KDM4B: variants seen among roughly 807,000 people sequenced by gnomAD.
KDM4B encodes lysine-specific demethylase 4B.
Under a neutral mutation model 125.2 loss-of-function variants are expected in KDM4B, and 32 were observed. That is an observed-to-expected ratio of 0.26 (90% confidence interval 0.19 to 0.34). The LOEUF (loss-of-function observed/expected upper bound fraction) is 0.34. Ranked by LOEUF, KDM4B falls within the 10% of genes least tolerant of loss-of-function variation. KDM4B has a pLI of 1.00. For synonymous variants in KDM4B, 721 were observed against 677.9 expected, an observed-to-expected ratio of 1.06 and a Z score of -0.99; for missense variants, 1,190 against 1,577.7, an observed-to-expected ratio of 0.75 and a Z score of 4.16.
Position 5,144,089 on chromosome 19 carries a change from G to T in KDM4B, c.2673G>T (p.Glu891Asp). 6.2e-7 allele frequency: 1 copy of T among 1,605,322 alleles called. No homozygotes were observed. The highest frequency in any genetic ancestry group is 8.5e-7 in the Non-Finnish European group (1 of 1,173,706). The change falls in exon 19 of 23, where the codon GAG (glutamate) becomes GAT (aspartate). Residue 891 changes from glutamate to aspartate, a missense_variant. By Grantham distance (45) the Glu-to-Asp change is conservative. Transcript: ENST00000159111. Reference protein sequence around the residue: ...TCAHAAGVLMEPDDWPYVVSI... With the variant: ...TCAHAAGVLMDPDDWPYVVSI... ...CCCACGCCGCAGGCGTGCTCATGGAGCCGGACGACTGGCCCTATGTGGTCT... is the reference window on the plus strand; with the variant it reads ...CCCACGCCGCAGGCGTGCTCATGGATCCGGACGACTGGCCCTATGTGGTCT...
chr19:5,102,692 T>C (rs1290540088), intron 9 of KDM4B, among the ~76,000 whole-genome samples: 1 of 152,038 alleles, frequency 6.6e-6, no homozygotes, highest in Non-Finnish European at 1.5e-5. Flanking sequence ...TCACCGGCAA[T>C]GGGCGGCGGG....
intron 1 of KDM4B, among the ~76,000 whole-genome samples, chr19:4,998,030 T>C (rs2035257564): frequency 6.6e-6 from 1 of 152,260 alleles, no homozygotes; most frequent in South Asian, 2.1e-4. Context: ...TATAAATAAG[T>C]GTGAAACATG....
chr19:5,134,696 T>C (rs1410960903), intron 14 of KDM4B, among the ~76,000 whole-genome samples: 1 of 152,190 alleles, frequency 6.6e-6, no homozygotes, highest in Non-Finnish European at 1.5e-5. Context: ...ATGCCAAGCA[T>C]GTCCAGGCAT....
In KDM4B at chr19:4,997,382, C is replaced by T. The variant is rs1442182536; in HGVS notation, c.-108-18875C>T. On this transcript the variant is annotated intron_variant, in intron 1 of 22. Coordinates refer to ENST00000159111, the MANE Select transcript of KDM4B (RefSeq NM_015015.3). This position sits in a 1 kb window ranked among gnomAD's most constrained non-coding sequence, Gnocchi z 4.2. ...GGAGTCCAGGAGCGTCGGCCCCTGG[C>T]TTCCACTGTGTCCTTCTGTGGTTCA... is the stretch of plus-strand genomic sequence containing the variant. Among the ~76,000 whole-genome samples the T allele has an allele frequency of 6.6e-6, 1 of 152,138 alleles. No homozygotes were observed. Among genetic ancestry groups the T allele is most frequent in the Non-Finnish European group, 1.5e-5 (1 of 68,020 alleles).
chr19:5,041,095 C>G (rs1233580437), intron 4 of KDM4B, 42 bp from the exon 5 acceptor site: 1 of 1,411,702 alleles, frequency 7.1e-7, no homozygotes, highest in Non-Finnish European at 1.0e-6. Context: ...GCGTAGCACC[C>G]AGGCCTCACC....
At chr19:5,029,445 T>G (rs1286525421) in intron 2 of KDM4B, among the ~76,000 whole-genome samples, 1 of 152,232 alleles carries the variant, frequency 6.6e-6, no homozygotes, top group African/African-American at 2.4e-5. Flanking sequence ...TTTAGCTGTG[T>G]TGCACGTGCG....
intron 6 of KDM4B, among the ~76,000 whole-genome samples, chr19:5,065,659 G>A (rs548331788): frequency 6.6e-6 from 1 of 152,330 alleles, no homozygotes; most frequent in African/African-American, 2.4e-5. Flanking sequence ...GATGACAGTG[G>A]CCTGTCCGCT....
chr19:5,054,915 A>G (rs1362336530), intron 6 of KDM4B, among the ~76,000 whole-genome samples: 1 of 152,324 alleles, frequency 6.6e-6, no homozygotes, highest in East Asian at 1.9e-4. Context: ...CCTGCTTATC[A>G]AGACTGGGGA....
chr19:5,138,688 C>G (rs542985515), intron 18 of KDM4B, among the ~76,000 whole-genome samples: 1 of 152,236 alleles, frequency 6.6e-6, no homozygotes, highest in African/African-American at 2.4e-5. Context: ...CAATGCTTAG[C>G]GTGAGATCTG....
At chr19:5,124,494 A>G (rs1055297737) in intron 11 of KDM4B, among the ~76,000 whole-genome samples, 1 of 152,078 alleles carries the variant, frequency 6.6e-6, no homozygotes, top group East Asian at 1.9e-4. Context: ...CTCCCTCTTG[A>G]GCAGACTCTA....
At chr19:4,992,299 T>C (rs1460309945) in intron 1 of KDM4B, among the ~76,000 whole-genome samples, 1 of 152,216 alleles carries the variant, frequency 6.6e-6, no homozygotes, top group East Asian at 1.9e-4. Context: ...TGTTACGTAC[T>C]GTGCTCCATC....
rs1208827865 is a variant in KDM4B at position 5,031,377 on chromosome 19, T to C, written c.-25-1489T>C. ...ACTGTGACCGTCTAGTCTACATTTC[T>C]AGGCTGCACGTGGTCACGTGCCGTG... On this transcript the variant is annotated intron_variant, in intron 2 of 22. Transcript: ENST00000159111. Among the ~76,000 whole-genome samples the C allele has an allele frequency of 1.2e-4, 18 of 152,260 alleles. 1 individual carries two copies. Among genetic ancestry groups the C allele is most frequent in the Non-Finnish European group, 1.5e-5 (1 of 68,032 alleles).
chr19:5,052,163 C>T (rs1364554663), intron 6 of KDM4B, among the ~76,000 whole-genome samples: 2 of 152,200 alleles, frequency 1.3e-5, no homozygotes, highest in African/African-American at 4.8e-5. Context: ...GATTCAGCTA[C>T]ACCTTGAGTT....
At chr19:5,070,725 C>A (rs554910327) in intron 6 of KDM4B, 2 of 355,762 alleles carry the variant, frequency 5.6e-6, no homozygotes, top group African/African-American at 2.1e-5. Context: ...GGTGGAGTGC[C>A]GCTTAACCGG....
chr19:5,032,774 A>AT (rs1240168694), intron 2 of KDM4B, 92 bp from the exon 3 acceptor site: 8 of 1,262,574 alleles, frequency 6.3e-6, no homozygotes, highest in Non-Finnish European at 8.8e-6. Context: ...TGGCCACGGT[A>AT]TTTTTAGCAC....
chr19:5,118,551 C>T (rs1213549636), intron 10 of KDM4B, among the ~76,000 whole-genome samples: 1 of 152,150 alleles, frequency 6.6e-6, no homozygotes, highest in Non-Finnish European at 1.5e-5. Context: ...GCCTCGGCTT[C>T]TCTGCACTCC....
At position 5,035,880 on chromosome 19, in the gene KDM4B, T is replaced by TGTGTGTGTGTGTGTGTGTGC. The variant is rs58219404; in HGVS notation, c.141+2850_141+2851insTGTGTGTGTGTGTGTGTGCG. 1.1e-3 allele frequency among the ~76,000 whole-genome samples: 148 copies of TGTGTGTGTGTGTGTGTGTGC among 136,492 alleles called. 1 individual carries two copies. Among genetic ancestry groups the TGTGTGTGTGTGTGTGTGTGC allele is most frequent in the African/African-American group, 3.7e-3 (139 of 37,892 alleles). The allele number at this position is 136,492 out of a possible 152,430, so 89.5% of individuals were successfully genotyped here. ...ACGTGTCTCTGTGTGTGTGTGTGTG[T>TGTGTGTGTGTGTGTGTGTGC]GCGCGCGCGCGCGCGCCTGCGCGCA... On this transcript the variant is annotated intron_variant, in intron 3 of 22. Coordinates refer to ENST00000159111, the MANE Select transcript of KDM4B (RefSeq NM_015015.3). The surrounding 1 kb of genome is among the most constrained non-coding windows in gnomAD (Gnocchi z 5.3).
intron 1 of KDM4B, among the ~76,000 whole-genome samples, chr19:4,970,701 TTTG>T (rs2034226014): frequency 7.0e-6 from 1 of 142,716 alleles, no homozygotes; most frequent in Non-Finnish European, 1.6e-5. Flanking sequence ...ACCAGGAGGG[TTTG>T]TCAACACACG....
At chr19:5,101,998 C>A (rs950352598) in intron 9 of KDM4B, among the ~76,000 whole-genome samples, 2 of 152,124 alleles carry the variant, frequency 1.3e-5, no homozygotes, top group Non-Finnish European at 1.5e-5. Context: ...GAGGGGCAGG[C>A]GGCCGCCAGG....
Sources: allele counts gnomAD v4.1 joint callset (sites outside exome capture counted in the v4.1 genomes callset), GRCh38; gene constraint gnomAD v4.1.1; non-coding constraint Gnocchi (gnomAD v3.1); transcripts MANE v1.5; gene names NCBI Gene and HGNC (gene_info 2026-07-23, HGNC 2026-07-21).